The following ZNF791 variants were observed in gnomAD, a reference collection of about 807,000 sequenced individuals.
ZNF791 encodes the protein zinc finger protein 791.
Under a neutral mutation model 11.5 loss-of-function variants are expected in ZNF791, and 4 were observed. The ratio of observed to expected loss-of-function variants is 0.35; its 90% CI spans 0.17 to 0.80. ZNF791 has a LOEUF of 0.80. ZNF791 is among the 30% of genes least tolerant of loss of function. The pLI is 0.53. For synonymous variants in ZNF791, 212 were observed against 228.1 expected (o/e 0.93, Z 0.64); for missense variants, 559 against 699.4 (o/e 0.80, Z 2.26).
intron 1 of ZNF791, chr19:12,623,342 C>A: frequency 4.9e-6 from 1 of 205,900 alleles, no homozygotes; most frequent in Non-Finnish European, 9.8e-6. Context: ...GAGGACTAGG[C>A]TCCAATGAAC....
chr19:12,617,992 A>G (rs1054118000), intron 1 of ZNF791, among the ~76,000 whole-genome samples: 7 of 142,132 alleles, frequency 4.9e-5, no homozygotes, highest in African/African-American at 1.3e-4. Context: ...AACTCAGCTC[A>G]CTGCAACCTC....
Position 12,629,394 on chromosome 19 carries a change from T to C in ZNF791, c.*134T>C. ...AGAAAGCGAGATACAAGATGATTCA[T>C]GTATAGTCAGGTACCACATAATCAT... On this transcript the variant is annotated 3_prime_UTR_variant, in exon 4 of 4. Transcript: ENST00000343325. 2 of 661,934 alleles carry C rather than the reference T, an allele frequency of 3.0e-6. No homozygotes were observed. The highest frequency in any genetic ancestry group is 6.7e-5 in the South Asian group (2 of 29,946). The allele number at this position is 661,934 out of a possible 1,614,324, so 41.0% of individuals were successfully genotyped here.
At chr19:12,623,562 T>C (rs1418068707) in intron 1 of ZNF791, 138 bp from the exon 2 acceptor site, 1 of 1,068,908 alleles carries the variant, frequency 9.4e-7, no homozygotes, top group African/African-American at 1.6e-5. Context: ...GTGTTCAATG[T>C]GCTGTTACAT....
chr19:12,624,898 A>G (rs1422054125), intron 3 of ZNF791, among the ~76,000 whole-genome samples, 188 bp downstream of exon 3: 1 of 151,796 alleles, frequency 6.6e-6, no homozygotes, highest in African/African-American at 2.4e-5. Context: ...AAATACAAAA[A>G]AAGTTAGCCA....
chr19:12,627,762 G>A lies in ZNF791; in HGVS notation c.233G>A (p.Ser78Asn). ...AGACTCTGTGAAGGTAAAGAAGGTA[G>A]TCAATGTGCAGAAAACTTCAGTCCC... is the stretch of plus-strand genomic sequence containing the variant. ...GERLCEGKEG[S>N]QCAENFSPNL... Residue 78 changes from serine to asparagine, a missense_variant, in exon 4 of 4, where the codon AGT (serine) becomes AAT (asparagine). Physicochemically the swap from Ser to Asn is conservative, Grantham distance 46. Coordinates refer to ENST00000343325, the MANE Select transcript of ZNF791 (RefSeq NM_153358.3). The A allele has an allele frequency of 6.2e-7, 1 of 1,614,084 alleles. No homozygotes were observed. The highest frequency in any genetic ancestry group is 8.5e-7 in the Non-Finnish European group (1 of 1,179,928).
chr19:12,611,731 G>C (rs1007352), intron 1 of ZNF791, among the ~76,000 whole-genome samples: 96,339 of 152,026 alleles, frequency 0.63, 31,392 homozygotes, highest in Non-Finnish European at 0.69. Flanking sequence ...AAATGCTGTG[G>C]CCCTCATCCT....
At position 12,630,420 on chromosome 19, in the gene ZNF791, A is replaced by G. The variant is rs1253305686; in HGVS notation, c.*1160A>G. On this transcript the variant is annotated 3_prime_UTR_variant, in exon 4 of 4. Transcript: ENST00000343325. ...GCAGTGAGCTGAGATCTACCACTAC[A>G]CTCCAGCCTGGGTGACAGAGCGAGA... 1 of 151,824 alleles carries G rather than the reference A, an allele frequency of 6.6e-6. No individual in the cohort carries two copies. Among genetic ancestry groups the G allele is most frequent in the African/African-American group, 2.4e-5 (1 of 41,304 alleles). The allele number at this position is 151,824 out of a possible 1,614,324, so 9.4% of individuals were successfully genotyped here. A position where few individuals can be genotyped will look rare whatever the true frequency, so the allele number is the denominator to read the frequency against.
intron 1 of ZNF791, among the ~76,000 whole-genome samples, chr19:12,615,779 C>CAAAAA (rs1184737319): frequency 3.4e-5 from 2 of 58,432 alleles, no homozygotes; most frequent in Non-Finnish European, 8.0e-5. Context: ...GACTCCGTCT[C>CAAAAA]AAAAAAAAAA....
chr19:12,623,508 T>C (rs1292225837), intron 1 of ZNF791, 192 bp from the exon 2 acceptor site: 4 of 616,630 alleles, frequency 6.5e-6, no homozygotes, highest in African/African-American at 1.9e-5. Context: ...TAGAGAGCAA[T>C]AGGACTTACA....
intron 1 of ZNF791, among the ~76,000 whole-genome samples, chr19:12,621,173 A>G (rs1459464133): frequency 6.6e-6 from 1 of 152,154 alleles, no homozygotes; most frequent in Non-Finnish European, 1.5e-5. Context: ...GATACTGTCA[A>G]TCTATTCTTC....
Position 12,623,837 on chromosome 19 carries a change from C to T in ZNF791, c.130+11C>T, listed in dbSNP as rs753514589. 8.8e-7 allele frequency: 1 copy of T among 1,139,662 alleles called. No individual in the cohort carries two copies. Among genetic ancestry groups the T allele is most frequent in the East Asian group, 2.4e-5 (1 of 40,956 alleles). 70.6% of individuals were successfully genotyped at this position (1,139,662 alleles called of 1,614,324 possible). ...ACCTGGCATCTATAGGTAAGGATGA[C>T]ATCATTTTTTCTTTTTTCTTTTTTT... On this transcript the variant is annotated intron_variant, in intron 2 of 3. Transcript: ENST00000343325.
intron 1 of ZNF791, among the ~76,000 whole-genome samples, chr19:12,613,001 C>T (rs1055212504): frequency 2.0e-5 from 3 of 151,782 alleles, no homozygotes; most frequent in Non-Finnish European, 4.4e-5. Flanking sequence ...TTAGACATTA[C>T]ATTTGAGTTT....
chr19:12,620,754 C>CTTTTTTTTTTTTTTTTTTTTTTTTT (rs1051381342), intron 1 of ZNF791, among the ~76,000 whole-genome samples: 3 of 83,446 alleles, frequency 3.6e-5, no homozygotes, highest in African/African-American at 1.6e-4. Context: ...GATTTATGTT[C>CTTTTTTTTTTTTTTTTTTTTTTTTT]TTTTTTTTTT....
chr19:12,625,955 C>T (rs1180045215), intron 3 of ZNF791, among the ~76,000 whole-genome samples: 1 of 151,842 alleles, frequency 6.6e-6, no homozygotes, highest in Non-Finnish European at 1.5e-5. Flanking sequence ...AGCAATTCTT[C>T]TGCCTCAGCC....
intron 1 of ZNF791, among the ~76,000 whole-genome samples, chr19:12,622,371 T>A (rs10408130): frequency 2.5e-5 from 1 of 40,684 alleles, no homozygotes; most frequent in African/African-American, 9.7e-5. Context: ...TTAAAAAAAA[T>A]AATAAATAAA....
chr19:12,633,099 A>C lies in ZNF791; in HGVS notation c.*3839A>C, dbSNP rs564139354. ...AGCAGAACGAGACTCCATCTCAAAT[A>C]AATAAATAAATAAAATGAATTTCAG... On this transcript the variant is annotated 3_prime_UTR_variant, in exon 4 of 4. Transcript: ENST00000343325. 2.0e-5 allele frequency: 3 copies of C among 152,176 alleles called. No homozygotes were observed. Among genetic ancestry groups the C allele is most frequent in the Non-Finnish European group, 4.4e-5 (3 of 68,026 alleles). The allele number at this position is 152,176 out of a possible 1,614,324, so 9.4% of individuals were successfully genotyped here.
chr19:12,623,873 G>GTGA, intron 2 of ZNF791, 47 bp downstream of exon 2: 1 of 991,746 alleles, frequency 1.0e-6, no homozygotes, highest in Non-Finnish European at 1.4e-6. Flanking sequence ...TTTTTTTTGG[G>GTGA]GGGGGACAGA....
intron 3 of ZNF791, among the ~76,000 whole-genome samples, chr19:12,626,445 A>T (rs1230689065): frequency 6.8e-6 from 1 of 146,460 alleles, no homozygotes; most frequent in East Asian, 2.1e-4. Flanking sequence ...CACCATGCCC[A>T]GCCAATTTTG....
intron 1 of ZNF791, among the ~76,000 whole-genome samples, chr19:12,616,118 G>A (rs1436903718): frequency 6.6e-6 from 1 of 152,136 alleles, no homozygotes. Flanking sequence ...AACTTTGTAC[G>A]TTCTAATAAG....
Sources: gnomAD v4.1 joint callset for allele counts (sites outside exome capture counted in the v4.1 genomes callset) on GRCh38, gnomAD v4.1.1 for gene constraint, MANE v1.5 for transcripts, NCBI Gene and HGNC (gene_info 2026-07-23, HGNC 2026-07-21) for gene names.